Variants in JARID2 observed in about 807,000 individuals in gnomAD.
JARID2 encodes jumonji and AT-rich interaction domain containing 2.
Under a neutral mutation model 125.6 loss-of-function variants are expected in JARID2, and 21 were observed. The ratio of observed to expected loss-of-function variants is 0.17; its 90% CI spans 0.12 to 0.24. The LOEUF (loss-of-function observed/expected upper bound fraction) is 0.24. JARID2 is among the 10% of genes least tolerant of loss of function. JARID2 has a pLI of 1.00. For missense variants in JARID2, 1,303 were observed against 1,639.6 expected, an observed-to-expected ratio of 0.79 and a Z score of 3.55; for synonymous variants, 736 against 661.6, an observed-to-expected ratio of 1.11 and a Z score of -1.73.
intron 3 of JARID2, among the ~76,000 whole-genome samples, chr6:15,439,252 T>C (rs529729167): frequency 5.9e-5 from 9 of 152,302 alleles, no homozygotes; most frequent in African/African-American, 2.2e-4. Context: ...AAAAATCTTA[T>C]CATTGGCTGC....
intron 2 of JARID2, among the ~76,000 whole-genome samples, chr6:15,407,389 C>T (rs1038239550): frequency 1.3e-5 from 2 of 152,188 alleles, no homozygotes; most frequent in Non-Finnish European, 2.9e-5. Context: ...TTGAGAGTCA[C>T]TTCTCTTTAC....
chr6:15,246,603 A>G lies in JARID2; in HGVS notation c.45+19A>G. The G allele has an allele frequency of 6.3e-7, 1 of 1,597,872 alleles. No homozygotes were observed. Among genetic ancestry groups the G allele is most frequent in the Non-Finnish European group, 8.6e-7 (1 of 1,165,536 alleles). On this transcript the variant is annotated intron_variant, in intron 1 of 17. Coordinates refer to ENST00000341776, the MANE Select transcript of JARID2 (RefSeq NM_004973.4). ...GAAATACGTAAGTGCTCCTAACAACACATCCTTTGACTTGCAGTTTTAAGC... is the reference window on the plus strand; with the variant it reads ...GAAATACGTAAGTGCTCCTAACAACGCATCCTTTGACTTGCAGTTTTAAGC...
At chr6:15,403,996 C>T (rs553868774) in intron 2 of JARID2, among the ~76,000 whole-genome samples, 3 of 152,256 alleles carry the variant, frequency 2.0e-5, no homozygotes, top group South Asian at 4.2e-4. Context: ...GAGCCCTAGT[C>T]GGCTCAGGGG....
At chr6:15,472,083 A>AT (rs770077887) in intron 5 of JARID2, among the ~76,000 whole-genome samples, 2 of 151,152 alleles carry the variant, frequency 1.3e-5, no homozygotes, top group Non-Finnish European at 3.0e-5. Context: ...CAGTGTTGGG[A>AT]TTTTTTTGTC....
intron 1 of JARID2, among the ~76,000 whole-genome samples, chr6:15,265,119 T>G (rs538323290): frequency 6.6e-6 from 1 of 152,304 alleles, no homozygotes; most frequent in African/African-American, 2.4e-5. Context: ...TAGCTATTAT[T>G]GTTTACAGAA....
intron 1 of JARID2, among the ~76,000 whole-genome samples, chr6:15,284,929 A>T (rs566657391): frequency 1.2e-3 from 186 of 152,252 alleles, no homozygotes; most frequent in Admixed American, 4.9e-3. Context: ...TGGGTCTGGT[A>T]GAGTCACCCT....
intron 5 of JARID2, among the ~76,000 whole-genome samples, chr6:15,471,511 A>G (rs571422126): frequency 3.3e-5 from 5 of 152,262 alleles, no homozygotes; most frequent in African/African-American, 1.2e-4. Context: ...GGTCCTTTTC[A>G]TAAGTTGTTT....
chr6:15,425,431 C>T (rs1355679395), intron 3 of JARID2, among the ~76,000 whole-genome samples: 1 of 152,130 alleles, frequency 6.6e-6, no homozygotes, highest in Non-Finnish European at 1.5e-5. Context: ...TTGCGGTGTA[C>T]TGTGGTATGA....
At chr6:15,359,127 A>G (rs1181364505) in intron 1 of JARID2, among the ~76,000 whole-genome samples, 1 of 152,362 alleles carries the variant, frequency 6.6e-6, no homozygotes, top group African/African-American at 2.4e-5. Context: ...TTTAGGGAGA[A>G]TCTTTGCTTC....
intron 1 of JARID2, among the ~76,000 whole-genome samples, chr6:15,322,693 A>G (rs991311204): frequency 1.9e-4 from 29 of 152,310 alleles, no homozygotes; most frequent in Admixed American, 1.7e-3. Flanking sequence ...TCTCTCTTTA[A>G]GTCATTTAGC....
chr6:15,437,656 T>C (rs1474843156), intron 3 of JARID2, among the ~76,000 whole-genome samples: 1 of 151,584 alleles, frequency 6.6e-6, no homozygotes, highest in Non-Finnish European at 1.5e-5. Context: ...AAAAAACAGA[T>C]TTAGTTGAGT....
intron 6 of JARID2, among the ~76,000 whole-genome samples, chr6:15,490,616 A>G (rs1770105089): frequency 6.6e-6 from 1 of 152,188 alleles, no homozygotes; most frequent in South Asian, 2.1e-4. Flanking sequence ...CCTGTATAAC[A>G]TTGCATTGTC....
At chr6:15,266,321 AGC>A (rs1760081267) in intron 1 of JARID2, among the ~76,000 whole-genome samples, 1 of 152,190 alleles carries the variant, frequency 6.6e-6, no homozygotes, top group Admixed American at 6.5e-5. Flanking sequence ...TCCAACAGAG[AGC>A]AAACAACATA....
intron 2 of JARID2, among the ~76,000 whole-genome samples, chr6:15,380,943 G>A (rs1444253608): frequency 6.6e-6 from 1 of 152,084 alleles, no homozygotes; most frequent in African/African-American, 2.4e-5. Flanking sequence ...TCTACGAAGG[G>A]GAACACCTGT....
intron 1 of JARID2, among the ~76,000 whole-genome samples, chr6:15,279,643 T>G (rs570263755): frequency 3.5e-4 from 53 of 152,374 alleles, no homozygotes; most frequent in African/African-American, 1.3e-3. Flanking sequence ...AACTTTCTTG[T>G]ACTTCATTCA....
At chr6:15,507,597 G>A (rs923481909) in intron 11 of JARID2, among the ~76,000 whole-genome samples, 181 bp downstream of exon 11, 4 of 152,226 alleles carry the variant, frequency 2.6e-5, no homozygotes, top group Admixed American at 2.0e-4. Context: ...GATTGGTGAA[G>A]TCAGTAGAAA....
At chr6:15,281,885 T>C (rs1760763512) in intron 1 of JARID2, among the ~76,000 whole-genome samples, 1 of 152,032 alleles carries the variant, frequency 6.6e-6, no homozygotes, top group Non-Finnish European at 1.5e-5. Context: ...AATATTAGCA[T>C]ATGATTGAAT....
chr6:15,302,892 G>A (rs577280756), intron 1 of JARID2, among the ~76,000 whole-genome samples: 1 of 152,106 alleles, frequency 6.6e-6, no homozygotes, highest in South Asian at 2.1e-4. Context: ...CTGCCACCAT[G>A]CCCAGCTAAT....
At chr6:15,338,178 A>C (rs1314244241) in intron 1 of JARID2, among the ~76,000 whole-genome samples, 1 of 152,068 alleles carries the variant, frequency 6.6e-6, no homozygotes, top group African/African-American at 2.4e-5. Context: ...AGAAGTGGAG[A>C]GTGAAAGGAG....
Sources: gnomAD v4.1 joint callset for allele counts (sites outside exome capture counted in the v4.1 genomes callset) on GRCh38, gnomAD v4.1.1 for gene constraint, MANE v1.5 for transcripts, NCBI Gene and HGNC (gene_info 2026-07-23, HGNC 2026-07-21) for gene names.